Variants in ANKRD54 observed in about 807,000 individuals in gnomAD.
ANKRD54 encodes ankyrin repeat domain-containing protein 54.
Under a neutral mutation model 36.2 loss-of-function variants are expected in ANKRD54, and 26 were observed. The observed-to-expected ratio is 0.72, with a 90% CI of 0.53 to 1.00. The LOEUF is 1.00. Ranked by LOEUF, ANKRD54 falls within the 50% of genes least tolerant of loss-of-function variation. The pLI is 0.00. For synonymous variants in ANKRD54, 209 were observed against 188.4 expected, an observed-to-expected ratio of 1.11 and a Z score of -0.89; for missense variants, 384 against 424.3, an observed-to-expected ratio of 0.91 and a Z score of 0.83.
At chr22:37,840,052 T>C in intron 2 of ANKRD54, 135 bp downstream of exon 2, 1 of 1,020,314 alleles carries the variant, frequency 9.8e-7, no homozygotes, top group Non-Finnish European at 1.5e-6. Context: ...GACTGCACAG[T>C]CAGACAATAA....
At chr22:37,841,909 C>T (rs893469435) in intron 1 of ANKRD54, among the ~76,000 whole-genome samples, 4 of 147,566 alleles carry the variant, frequency 2.7e-5, no homozygotes, top group Non-Finnish European at 4.5e-5. Flanking sequence ...AATAAAAACA[C>T]AAAAATTAGC....
intron 1 of ANKRD54, among the ~76,000 whole-genome samples, chr22:37,842,570 T>C (rs1924411180): frequency 6.6e-6 from 1 of 152,206 alleles, no homozygotes; most frequent in Admixed American, 6.5e-5. Context: ...TCCCAAATGA[T>C]TTGCCTAAAT....
rs1212680705 is a variant in ANKRD54 at position 37,838,396 on chromosome 22, C to G, written c.475+104G>C. ...TGCCAAGTCTTCCTTATATCCAGAA[C>G]AACTGGGCATCCCAAGGCTGTGCAG... On this transcript the variant is annotated intron_variant, in intron 3 of 7. Coordinates refer to ENST00000215941, the MANE Select transcript of ANKRD54 (RefSeq NM_138797.4). 1.3e-5 allele frequency: 15 copies of G among 1,131,042 alleles called. No homozygotes were observed. In the Admixed American group the frequency reaches 2.3e-4, roughly 18 times the overall value. The allele number at this position is 1,131,042 out of a possible 1,614,324, so 70.1% of individuals were successfully genotyped here. A position where few individuals can be genotyped will look rare whatever the true frequency, so the allele number is the denominator to read the frequency against.
chr22:37,844,260 T>G lies in ANKRD54; in HGVS notation c.-22A>C, dbSNP rs111364503. ...CCATGGCAACGGCTCCGCGCGGGCC[T>G]GGCCGCCTGAGCCTCGTTCCCGACC... is the stretch of plus-strand genomic sequence containing the variant. On this transcript the variant is annotated 5_prime_UTR_variant, in exon 1 of 8. Transcript: ENST00000215941. 1,252 of 1,544,074 alleles carry G rather than the reference T, an allele frequency of 8.1e-4. 10 individuals carry two copies. In the African/African-American group the frequency reaches 0.017, roughly 20 times the overall value.
chr22:37,835,960 G>T (rs1923466470), intron 3 of ANKRD54, among the ~76,000 whole-genome samples: 1 of 151,790 alleles, frequency 6.6e-6, no homozygotes, highest in Admixed American at 6.6e-5. Context: ...CTGCCTCAGC[G>T]AGTAGCTGGA....
chr22:37,840,585 C>CA lies in ANKRD54; in HGVS notation c.329-352dup, dbSNP rs534011519. ...AAACAAACAAACAAACAAACACACA[C>CA]AAAAAAAACACAGCCATTGGCTGGG... On this transcript the variant is annotated intron_variant, in intron 1 of 7. Coordinates refer to ENST00000215941, the MANE Select transcript of ANKRD54 (RefSeq NM_138797.4). Among the ~76,000 whole-genome samples, 16 of 144,800 alleles carry CA rather than the reference C, an allele frequency of 1.1e-4. No homozygotes were observed. The East Asian group carries it at 1.9e-3, about 17-fold the overall frequency. 95.0% of individuals were successfully genotyped at this position (144,800 alleles called of 152,430 possible).
upstream of ANKRD54, among the ~76,000 whole-genome samples, chr22:37,845,738 G>A (rs189506689): frequency 3.6e-3 from 548 of 152,140 alleles, 5 homozygotes; most frequent in African/African-American, 0.012. Context: ...GTGTGGTGGC[G>A]CACGCCTGTA....
chr22:37,832,112 G>T, intron 7 of ANKRD54, 95 bp from the exon 8 acceptor site: 3 of 1,205,030 alleles, frequency 2.5e-6, no homozygotes, highest in South Asian at 1.4e-5. Context: ...ACACAGGCAC[G>T]GTCTCTCCTC....
At chr22:37,846,524 T>C (rs568086229), upstream of ANKRD54, among the ~76,000 whole-genome samples, 7 of 152,318 alleles carry the variant, frequency 4.6e-5, no homozygotes, top group East Asian at 1.9e-4. Context: ...AGGCTGGTCT[T>C]GAACTCCTCG....
chr22:37,846,367 G>A (rs951081329), upstream of ANKRD54, among the ~76,000 whole-genome samples: 12 of 152,250 alleles, frequency 7.9e-5, no homozygotes, highest in African/African-American at 2.9e-4. Context: ...CACTCAGGCT[G>A]GAGTGCAGTG....
At chr22:37,849,275 A>T (rs1196911277), upstream of ANKRD54, 19 of 777,668 alleles carry the variant, frequency 2.4e-5, no homozygotes, top group Non-Finnish European at 4.0e-5. Flanking sequence ...TACAGGTGTG[A>T]GCCACGGAAC....
chr22:37,848,729 T>G (rs1433748880), upstream of ANKRD54: 1 of 152,132 alleles, frequency 6.6e-6, no homozygotes, highest in Admixed American at 6.6e-5. Flanking sequence ...AAGTTTAGTC[T>G]TGTGAAGTCC....
At chr22:37,839,265 T>C (rs1309079568) in intron 2 of ANKRD54, among the ~76,000 whole-genome samples, 1 of 152,126 alleles carries the variant, frequency 6.6e-6, no homozygotes, top group Non-Finnish European at 1.5e-5. Context: ...AAAATTCCAG[T>C]GTATAGGAAA....
chr22:37,834,090 A>G (rs1923232245), intron 3 of ANKRD54: 3 of 287,058 alleles, frequency 1.0e-5, no homozygotes, highest in African/African-American at 2.1e-5. Context: ...GCCAAGCACC[A>G]TGGTAGGAAT....
rs1448421975 is a variant in ANKRD54, at chr22:37,843,923, T to G, written c.316A>C (p.Lys106Gln). 1 of 1,342,436 alleles carries G rather than the reference T, an allele frequency of 7.4e-7. No individual in the cohort carries two copies. Among genetic ancestry groups the G allele is most frequent in the Non-Finnish European group, 9.5e-7 (1 of 1,050,142 alleles). 83.2% of individuals were successfully genotyped at this position (1,342,436 alleles called of 1,614,324 possible). A position where few individuals can be genotyped will look rare whatever the true frequency, so the allele number is the denominator to read the frequency against. Residue 106 changes from lysine (K) to glutamine (Q), a missense_variant, in exon 1 of 8, where the codon AAG (lysine) becomes CAG (glutamine). Lys to Gln is a moderately conservative substitution (Grantham distance 53). This residue lies in a region of ANKRD54 where 195 missense variants were observed against 177.7 expected (regional missense o/e 1.10). Transcript: ENST00000215941. ...RPHRRLGPTG[K>Q]EVHALKRLRD... ...TCGCGCCGCTCACCGTGCACCTCCT[T>G]GCCCGTGGGCCCGAGCCGCCGGTGG...
At chr22:37,832,891 G>A (rs527377817) in intron 6 of ANKRD54, 67 bp downstream of exon 6, 21 of 1,606,536 alleles carry the variant, frequency 1.3e-5, no homozygotes, top group Admixed American at 1.0e-4. Context: ...AGGTGTGTCT[G>A]TGGTTAGGGC....
chr22:37,833,675 C>G lies in ANKRD54; in HGVS notation c.547+9G>C, dbSNP rs915675710. Reference sequence around the variant, plus strand: ...AATGAGTTGTCTTAGTGACTTCTGACATGCTTACCCAGGTGCAGTGGCGTG... The same window carrying G: ...AATGAGTTGTCTTAGTGACTTCTGAGATGCTTACCCAGGTGCAGTGGCGTG... On this transcript the variant is annotated intron_variant, in intron 4 of 7. Transcript: ENST00000215941. The G allele has an allele frequency of 2.2e-5, 36 of 1,613,704 alleles. No homozygotes were observed. The highest frequency in any genetic ancestry group is 2.4e-5 in the Non-Finnish European group (28 of 1,179,776).
Position 37,843,922 on chromosome 22 carries a change from T to C in ANKRD54, c.317A>G (p.Lys106Arg). ...CTCGCGCCGCTCACCGTGCACCTCC[T>C]TGCCCGTGGGCCCGAGCCGCCGGTG... is the stretch of plus-strand genomic sequence containing the variant. ...RPHRRLGPTG[K>R]EVHALKRLRD... is the part of the protein sequence containing the mutation. Residue 106 changes from lysine (K) to arginine (R), a missense_variant, in exon 1 of 8, where the codon AAG becomes AGG. By Grantham distance (26) the Lys-to-Arg change is conservative. Transcript: ENST00000215941. 1 of 1,341,376 alleles carries C rather than the reference T, an allele frequency of 7.5e-7. No homozygotes were observed. The highest frequency in any genetic ancestry group is 9.5e-7 in the Non-Finnish European group (1 of 1,049,616). 83.1% of individuals were successfully genotyped at this position (1,341,376 alleles called of 1,614,324 possible).
Position 37,838,417 on chromosome 22 carries a change from T to C in ANKRD54, c.475+83A>G, listed in dbSNP as rs768270419. On this transcript the variant is annotated intron_variant, in intron 3 of 7. Coordinates refer to ENST00000215941, the MANE Select transcript of ANKRD54 (RefSeq NM_138797.4). Reference sequence around the variant, plus strand: ...AGAACAACTGGGCATCCCAAGGCTGTGCAGACAGCAGCGCCTCCCCCAAGG... The same window carrying C: ...AGAACAACTGGGCATCCCAAGGCTGCGCAGACAGCAGCGCCTCCCCCAAGG... The C allele has an allele frequency of 1.2e-4, 168 of 1,357,488 alleles. 1 individual carries two copies. Among genetic ancestry groups the C allele is most frequent in the Non-Finnish European group, 1.3e-4 (124 of 985,934 alleles). 84.1% of individuals were successfully genotyped at this position (1,357,488 alleles called of 1,614,324 possible). A position where few individuals can be genotyped will look rare whatever the true frequency, so the allele number is the denominator to read the frequency against.
Sources: allele counts gnomAD v4.1 joint callset (sites outside exome capture counted in the v4.1 genomes callset), GRCh38; gene constraint gnomAD v4.1.1; regional missense constraint gnomAD v4.1.1; transcripts MANE v1.5; gene names NCBI Gene and HGNC (gene_info 2026-07-23, HGNC 2026-07-21).